The following PPARGC1A variants were observed in gnomAD, a reference collection of about 807,000 sequenced individuals.
PPARGC1A encodes peroxisome proliferator-activated receptor gamma coactivator 1-alpha.
A neutral mutation model predicts 88.7 loss-of-function variants in PPARGC1A; 25 were observed. The ratio of observed to expected loss-of-function variants is 0.28; its 90% CI spans 0.21 to 0.39. The LOEUF is 0.39. Ranked by LOEUF, PPARGC1A falls within the 10% of genes least tolerant of loss-of-function variation. The probability of loss-of-function intolerance (pLI) is 1.00; values close to 1 mark genes in which losing one functional copy is unlikely to be tolerated. For missense variants in PPARGC1A, 880 were observed against 968.7 expected (o/e 0.91, Z 1.22); for synonymous variants, 363 against 355.6 (o/e 1.02, Z -0.24).
the PPARGC1A span, among the ~76,000 whole-genome samples, chr4:24,029,406 C>T: frequency 4.6e-5 from 7 of 152,176 alleles, no homozygotes; most frequent in Non-Finnish European, 7.3e-5. Context: ...TTCCCAGGTC[C>T]GTTCCTTCTC....
chr4:24,064,767 T>C, the PPARGC1A span, among the ~76,000 whole-genome samples: 2 of 152,116 alleles, frequency 1.3e-5, no homozygotes, highest in Non-Finnish European at 2.9e-5. Context: ...TTTGGTTGGT[T>C]TGTTTGTTTT....
At chr4:23,880,389 C>T (rs1223340966) in intron 2 of PPARGC1A, among the ~76,000 whole-genome samples, 1 of 152,174 alleles carries the variant, frequency 6.6e-6, no homozygotes, top group East Asian at 1.9e-4. Context: ...TGAAGATCAA[C>T]TCACTCATTA....
chr4:23,938,291 T>A, the PPARGC1A span, among the ~76,000 whole-genome samples: 5 of 152,230 alleles, frequency 3.3e-5, no homozygotes, highest in African/African-American at 9.6e-5. Context: ...AGTCCCTCCC[T>A]GGAAGGTAGA....
the PPARGC1A span, among the ~76,000 whole-genome samples, chr4:24,419,125 A>T: frequency 6.6e-6 from 1 of 152,048 alleles, no homozygotes; most frequent in Non-Finnish European, 1.5e-5. Context: ...GAAGCAGGAG[A>T]GGGGGCTGGC....
At chr4:24,030,875 T>C in the PPARGC1A span, among the ~76,000 whole-genome samples, 2 of 152,212 alleles carry the variant, frequency 1.3e-5, no homozygotes, top group Admixed American at 6.5e-5. Context: ...CACTCACTCA[T>C]TCTTCCAACA....
At chr4:24,062,982 C>T in the PPARGC1A span, among the ~76,000 whole-genome samples, 34 of 152,316 alleles carry the variant, frequency 2.2e-4, 1 homozygote, top group South Asian at 5.6e-3. Flanking sequence ...GAATTCCTAA[C>T]CTGTAAACGA....
chr4:24,331,830 A>T, the PPARGC1A span, among the ~76,000 whole-genome samples: 438 of 151,860 alleles, frequency 2.9e-3, 6 homozygotes, highest in African/African-American at 0.01. Flanking sequence ...GGTTTGTTAC[A>T]TAAGTATACA....
At chr4:24,203,768 C>T in the PPARGC1A span, among the ~76,000 whole-genome samples, 42 of 152,346 alleles carry the variant, frequency 2.8e-4, 1 homozygote, top group South Asian at 7.2e-3. Context: ...TTGCAAGTTG[C>T]TCTGAGCTCT....
At chr4:23,963,666 A>G in the PPARGC1A span, among the ~76,000 whole-genome samples, 3 of 152,168 alleles carry the variant, frequency 2.0e-5, no homozygotes, top group South Asian at 4.1e-4. Context: ...AGAAGTCAGT[A>G]TGTTTCCCTT....
At chr4:24,395,732 A>G in the PPARGC1A span, among the ~76,000 whole-genome samples, 5 of 152,146 alleles carry the variant, frequency 3.3e-5, no homozygotes, top group African/African-American at 1.2e-4. Context: ...TAAGACAGGC[A>G]TTGCTGTTCC....
chr4:24,267,335 G>A, the PPARGC1A span, among the ~76,000 whole-genome samples: 157 of 152,274 alleles, frequency 1.0e-3, no homozygotes, highest in Middle Eastern at 3.4e-3. Context: ...AATAAAAGGC[G>A]TAAGCCCCAG....
the PPARGC1A span, among the ~76,000 whole-genome samples, chr4:24,167,749 T>G: frequency 0.041 from 6,280 of 152,054 alleles, 365 homozygotes; most frequent in African/African-American, 0.12. Context: ...TTTTTTCTGT[T>G]TGTTGTTTTT....
At chr4:24,386,883 A>G in the PPARGC1A span, among the ~76,000 whole-genome samples, 1 of 152,342 alleles carries the variant, frequency 6.6e-6, no homozygotes, top group African/African-American at 2.4e-5. Flanking sequence ...CAAAATTAGA[A>G]AAAACTACTT....
At chr4:24,387,746 AAGAG>A in the PPARGC1A span, among the ~76,000 whole-genome samples, 2,976 of 60,686 alleles carry the variant, frequency 0.049, 120 homozygotes, top group Non-Finnish European at 0.06. Flanking sequence ...GAAAGAAAGA[AAGAG>A]AGAGAGAGAG....
intron 2 of PPARGC1A, among the ~76,000 whole-genome samples, chr4:23,837,515 A>G (rs1317410301): frequency 6.6e-6 from 1 of 152,070 alleles, no homozygotes; most frequent in Non-Finnish European, 1.5e-5. Context: ...AACAGGATCT[A>G]CCACAGACGT....
the PPARGC1A span, among the ~76,000 whole-genome samples, chr4:23,955,596 AAC>A: frequency 9.2e-5 from 14 of 152,210 alleles, no homozygotes; most frequent in Admixed American, 8.5e-4. Flanking sequence ...TTGGGTGAAA[AAC>A]ACACAGGATT....
intron 10 of PPARGC1A, among the ~76,000 whole-genome samples, chr4:23,807,064 T>G (rs1333912980): frequency 6.6e-6 from 1 of 152,190 alleles, no homozygotes; most frequent in African/African-American, 2.4e-5. Context: ...CTAAGGAAAC[T>G]ACATATCAAC....
chr4:24,352,245 A>C, the PPARGC1A span, among the ~76,000 whole-genome samples: 3 of 152,112 alleles, frequency 2.0e-5, no homozygotes, highest in African/African-American at 7.2e-5. Flanking sequence ...CTGAAGAACA[A>C]GGTGCAAGCT....
chr4:24,098,149 A>G, the PPARGC1A span, among the ~76,000 whole-genome samples: 8 of 152,366 alleles, frequency 5.3e-5, no homozygotes, highest in Admixed American at 4.6e-4. Flanking sequence ...CTAAAAACCT[A>G]TACAGATTCT....
Sources: gnomAD v4.1 joint callset for allele counts (sites outside exome capture counted in the v4.1 genomes callset) on GRCh38, gnomAD v4.1.1 for gene constraint, MANE v1.5 for transcripts, NCBI Gene and HGNC (gene_info 2026-07-23, HGNC 2026-07-21) for gene names.